The following GART variants were observed in gnomAD, a reference collection of about 807,000 sequenced individuals.
GART encodes the protein phosphoribosylglycinamide formyltransferase, phosphoribosylglycinamide synthetase, phosphoribosylaminoimidazole synthetase, also known as trifunctional purine biosynthetic protein adenosine-3.
A neutral mutation model predicts 107.2 loss-of-function variants in GART; 43 were observed. The ratio of observed to expected loss-of-function variants is 0.40; its 90% confidence interval spans 0.31 to 0.52. The LOEUF is 0.52. GART is among the 20% of genes least tolerant of loss of function. The probability of loss-of-function intolerance (pLI) is 0.52; values close to 1 mark genes in which losing one functional copy is unlikely to be tolerated. For missense variants in GART, 1,107 were observed against 1,206.5 expected (o/e 0.92, Z 1.22); for synonymous variants, 434 against 427.0 (o/e 1.02, Z -0.20).
At chr21:33,515,687 A>G (rs1010054686) in intron 16 of GART, among the ~76,000 whole-genome samples, 1 of 151,692 alleles carries the variant, frequency 6.6e-6, no homozygotes, top group Admixed American at 6.6e-5. Flanking sequence ...GAAAAACAAA[A>G]AACAAAAAAG....
chr21:33,540,950 A>G (rs1189787760), intron 1 of GART, among the ~76,000 whole-genome samples: 1 of 152,082 alleles, frequency 6.6e-6, no homozygotes, highest in Non-Finnish European at 1.5e-5. Context: ...CACACAGGTA[A>G]GAGGGGGTGG....
In GART at chr21:33,534,638, G is replaced by C; in HGVS notation, c.357C>G (p.Ile119Met). The C allele has an allele frequency of 1.2e-6, 2 of 1,614,122 alleles. No homozygotes were observed. Among genetic ancestry groups the C allele is most frequent in the Non-Finnish European group, 1.7e-6 (2 of 1,180,010 alleles). Residue 119 changes from isoleucine (I) to methionine (M), a missense_variant, in exon 4 of 22, where the codon ATC (isoleucine) becomes ATG (methionine). By Grantham distance (10) the Ile-to-Met change is conservative. Transcript: ENST00000381815. ...FAKEFMDRHG[I>M]PTAQWKAFTK... ...TGAAAGCCTTCCATTGTGCGGTTGGGATTCCATGTCTGTCCATAAACTCTT... is the reference window on the plus strand; with the variant it reads ...TGAAAGCCTTCCATTGTGCGGTTGGCATTCCATGTCTGTCCATAAACTCTT...
At chr21:33,511,823 C>A (rs1302040232) in intron 16 of GART, among the ~76,000 whole-genome samples, 1 of 152,102 alleles carries the variant, frequency 6.6e-6, no homozygotes, top group Non-Finnish European at 1.5e-5. Context: ...GACCAAAATG[C>A]ACCCAAAGTA....
chr21:33,538,541 T>C (rs1466302429), intron 2 of GART, among the ~76,000 whole-genome samples: 5 of 152,162 alleles, frequency 3.3e-5, no homozygotes, highest in African/African-American at 1.2e-4. Flanking sequence ...CCGCAAGTTG[T>C]ATTTAATAGC....
At chr21:33,505,194 G>A (rs1010726910) in intron 20 of GART, among the ~76,000 whole-genome samples, 1 of 152,058 alleles carries the variant, frequency 6.6e-6, no homozygotes, top group Non-Finnish European at 1.5e-5. Context: ...TGGGATATAC[G>A]GAATCACTCT....
chr21:33,509,093 G>A (rs553309984), intron 18 of GART: 2 of 152,324 alleles, frequency 1.3e-5, no homozygotes, highest in African/African-American at 4.8e-5. Context: ...TCCTGAAGAA[G>A]TATCAGAGCT....
intron 5 of GART, 197 bp downstream of exon 5, chr21:33,532,148 C>G: frequency 3.7e-6 from 2 of 537,248 alleles, no homozygotes; most frequent in East Asian, 6.3e-5. Context: ...CAAAATAATA[C>G]AATCATGGTT....
chr21:33,517,676 G>A (rs1349429649), intron 14 of GART, 68 bp from the exon 15 acceptor site: 4 of 1,520,780 alleles, frequency 2.6e-6, no homozygotes, highest in East Asian at 2.3e-5. Flanking sequence ...CAGTGGCACA[G>A]GCTACTCTTA....
In GART at chr21:33,505,607, T is replaced by C. The variant is rs2084664500; in HGVS notation, c.2679A>G (p.Ala893=). 1 of 1,611,024 alleles carries C rather than the reference T, an allele frequency of 6.2e-7. No individual in the cohort carries two copies. Residue 893 remains alanine (A), a synonymous_variant, in exon 20 of 22, where the codon GCA becomes GCG. Transcript: ENST00000381815. Reference sequence around the variant, plus strand: ...GGCCAGAAAGAATTCTCATGAATCCTGCAAGACAGACTATGTCTATGGAGA... The same window carrying C: ...GGCCAGAAAGAATTCTCATGAATCCCGCAAGACAGACTATGTCTATGGAGA... ...EEFSIDIVCL[A]GFMRILSGPF... is the part of the protein sequence containing the mutation.
intron 2 of GART, among the ~76,000 whole-genome samples, chr21:33,537,022 A>C (rs1260451252): frequency 1.3e-5 from 2 of 152,204 alleles, no homozygotes; most frequent in East Asian, 3.8e-4. Flanking sequence ...AACTGCCTGA[A>C]TGTGATTAGG....
intron 1 of GART, among the ~76,000 whole-genome samples, chr21:33,539,847 AAAG>A (rs2085378041): frequency 6.6e-6 from 1 of 152,206 alleles, no homozygotes; most frequent in African/African-American, 2.4e-5. Context: ...GGTATTTCAA[AAAG>A]AAGGCAGGCT....
intron 18 of GART, among the ~76,000 whole-genome samples, chr21:33,508,667 C>A (rs934461224): frequency 3.9e-5 from 6 of 151,966 alleles, no homozygotes; most frequent in Admixed American, 6.6e-5. Flanking sequence ...CAGACGTGTG[C>A]CACCATGCCC....
At chr21:33,540,777 G>C (rs767282512) in intron 1 of GART, among the ~76,000 whole-genome samples, 1 of 152,168 alleles carries the variant, frequency 6.6e-6, no homozygotes, top group African/African-American at 2.4e-5. Context: ...AAAAATGTAA[G>C]CTGACAATAT....
intron 14 of GART, chr21:33,518,645 A>AT: frequency 2.5e-6 from 1 of 397,994 alleles, no homozygotes; most frequent in Non-Finnish European, 4.9e-6. Flanking sequence ...GTTACTTCAT[A>AT]TTTTTTCTTC....
rs779375144 is a variant in GART at position 33,517,128 on chromosome 21, G to A, written c.1968C>T (p.Leu656=). 1.2e-6 allele frequency: 2 copies of A among 1,609,178 alleles called. No individual in the cohort carries two copies. Among genetic ancestry groups the A allele is most frequent in the Middle Eastern group, 1.7e-4 (1 of 6,030 alleles). The change falls in exon 16 of 22, where the codon CTC becomes CTT. Residue 656 remains leucine, a synonymous_variant. Coordinates refer to ENST00000381815, the MANE Select transcript of GART (RefSeq NM_000819.5). ...AATGGCTGTAGATTCTGGTAGGCGTGAGAAGTAAGTCCCCTGCATGTTGAA... is the reference window on the plus strand; with the variant it reads ...AATGGCTGTAGATTCTGGTAGGCGTAAGAAGTAAGTCCCCTGCATGTTGAA... ...CGDQTLGDLL[L]TPTRIYSHSL...
intron 17 of GART, 137 bp from the exon 18 acceptor site, chr21:33,510,057 A>G: frequency 2.7e-6 from 2 of 745,848 alleles, no homozygotes; most frequent in Non-Finnish European, 4.3e-6. Flanking sequence ...TAAAATGAAC[A>G]ACACATTTGT....
At chr21:33,534,241 C>G (rs973386207) in intron 4 of GART, among the ~76,000 whole-genome samples, 4 of 152,144 alleles carry the variant, frequency 2.6e-5, no homozygotes, top group Admixed American at 2.6e-4. Context: ...GAGACAGGGT[C>G]TCACTCTGTC....
intron 6 of GART, 155 bp downstream of exon 6, chr21:33,531,334 C>A: frequency 1.5e-6 from 1 of 685,366 alleles, no homozygotes. Flanking sequence ...TTTTCATTTG[C>A]ACCCCCAACA....
rs779268840 is a variant in GART at position 33,504,128 on chromosome 21, T to C, written c.3029A>G (p.Glu1010Gly). 1 of 1,603,234 alleles carries C rather than the reference T, an allele frequency of 6.2e-7. No individual in the cohort carries two copies. Among genetic ancestry groups the C allele is most frequent in the Admixed American group, 1.7e-5 (1 of 57,976 alleles). ...ENGKICWVKE[E>G] ...CCATTTCTGAATTAAAAGGCTTCAT[T>C]CCTCTTTAACCCAACAGATCTTGCC... Residue 1010 changes from glutamate (E) to glycine (G), a missense_variant, in exon 22 of 22, where the codon GAA becomes GGA. Coordinates refer to ENST00000381815, the MANE Select transcript of GART (RefSeq NM_000819.5).
Sources: allele counts gnomAD v4.1 joint callset (sites outside exome capture counted in the v4.1 genomes callset), GRCh38; gene constraint gnomAD v4.1.1; transcripts MANE v1.5; gene names NCBI Gene and HGNC (gene_info 2026-07-23, HGNC 2026-07-21).